BANK1: variants seen among roughly 807,000 people sequenced by gnomAD.
BANK1 encodes the protein B-cell scaffold protein with ankyrin repeats.
BANK1 carries 95 observed loss-of-function variants against 94.5 expected under a neutral mutation model. The observed-to-expected ratio is 1.00, with a 90% confidence interval of 0.85 to 1.19. BANK1 has a LOEUF of 1.19. Among genes scored for constraint, BANK1 ranks in the 50% most tolerant of loss-of-function variants. BANK1 has a pLI of 0.00. For synonymous variants in BANK1, 334 were observed against 308.4 expected (o/e 1.08, Z -0.87); for missense variants, 987 against 932.2 (o/e 1.06, Z -0.77).
chr4:101,994,050 C>A (rs975286951), intron 7 of BANK1, among the ~76,000 whole-genome samples: 6 of 152,236 alleles, frequency 3.9e-5, no homozygotes, highest in East Asian at 1.9e-4. Context: ...CCTCATCGCA[C>A]TGGGCTTCTG....
At chr4:102,067,594 G>A (rs1257899039) in intron 13 of BANK1, among the ~76,000 whole-genome samples, 1 of 151,762 alleles carries the variant, frequency 6.6e-6, no homozygotes, top group African/African-American at 2.4e-5. Context: ...AGATAAAAAG[G>A]CAGTTCACTA....
At chr4:102,054,694 T>C (rs568331018) in intron 11 of BANK1, among the ~76,000 whole-genome samples, 121 of 152,190 alleles carry the variant, frequency 8.0e-4, no homozygotes, top group African/African-American at 2.7e-3. Context: ...AAATGAAGAC[T>C]CAAAGAAGCA....
At chr4:101,896,729 C>T (rs1364816731) in intron 6 of BANK1, among the ~76,000 whole-genome samples, 1 of 151,258 alleles carries the variant, frequency 6.6e-6, no homozygotes, top group East Asian at 1.9e-4. Context: ...TAGAAAGAAT[C>T]AATGAGATAA....
At chr4:101,827,048 C>T (rs1484994988) in intron 1 of BANK1, among the ~76,000 whole-genome samples, 5 of 151,874 alleles carry the variant, frequency 3.3e-5, no homozygotes, top group South Asian at 4.2e-4. Context: ...TCTTTGTACT[C>T]ATGATAATAC....
intron 7 of BANK1, among the ~76,000 whole-genome samples, chr4:101,978,694 A>G (rs1328255604): frequency 6.6e-6 from 1 of 152,086 alleles, no homozygotes; most frequent in Non-Finnish European, 1.5e-5. Flanking sequence ...TTCCATTGAA[A>G]AAAAAAGAAT....
intron 1 of BANK1, among the ~76,000 whole-genome samples, chr4:101,826,824 T>C (rs1726385408): frequency 6.6e-6 from 1 of 152,006 alleles, no homozygotes; most frequent in Admixed American, 6.6e-5. Context: ...GAAATTGTGC[T>C]TGGCATTGTG....
At chr4:101,988,802 A>T (rs1725600056) in intron 7 of BANK1, among the ~76,000 whole-genome samples, 1 of 152,174 alleles carries the variant, frequency 6.6e-6, no homozygotes. Flanking sequence ...ATGGTACATA[A>T]ATTCAAAACT....
chr4:101,971,719 C>CA (rs1429765060), intron 7 of BANK1, among the ~76,000 whole-genome samples: 5 of 152,068 alleles, frequency 3.3e-5, no homozygotes, highest in Non-Finnish European at 7.4e-5. Context: ...CCAGTTTTCC[C>CA]AAAACCATTT....
At chr4:101,859,950 G>A (rs556025816) in intron 3 of BANK1, among the ~76,000 whole-genome samples, 38 of 152,228 alleles carry the variant, frequency 2.5e-4, no homozygotes, top group African/African-American at 9.2e-4. Context: ...TTATGGATAT[G>A]CAGTGCAGAA....
chr4:101,961,254 CAT>C (rs1724559847), intron 7 of BANK1, among the ~76,000 whole-genome samples: 1 of 152,134 alleles, frequency 6.6e-6, no homozygotes, highest in African/African-American at 2.4e-5. Context: ...AGTGGACACA[CAT>C]GTTTAATAAA....
intron 7 of BANK1, among the ~76,000 whole-genome samples, chr4:101,961,658 A>G (rs1724574105): frequency 1.3e-5 from 2 of 152,162 alleles, no homozygotes; most frequent in South Asian, 4.1e-4. Context: ...TGAAATTTTG[A>G]AAGTCAGCTT....
intron 1 of BANK1, among the ~76,000 whole-genome samples, chr4:101,810,344 C>T (rs1263571939): frequency 6.6e-6 from 1 of 152,084 alleles, no homozygotes; most frequent in Non-Finnish European, 1.5e-5. Context: ...TTTACAGGAG[C>T]ATTAGGAAAC....
At chr4:102,037,670 GT>G (rs1727555937) in intron 10 of BANK1, among the ~76,000 whole-genome samples, 1 of 152,190 alleles carries the variant, frequency 6.6e-6, no homozygotes, top group Non-Finnish European at 1.5e-5. Flanking sequence ...GACACTTACA[GT>G]TGTGTAACTT....
At chr4:101,908,718 C>A (rs1356544327) in intron 6 of BANK1, among the ~76,000 whole-genome samples, 1 of 152,082 alleles carries the variant, frequency 6.6e-6, no homozygotes, top group Non-Finnish European at 1.5e-5. Flanking sequence ...AAGAAAAAAA[C>A]AAACAACCCC....
intron 7 of BANK1, among the ~76,000 whole-genome samples, chr4:101,934,860 C>A (rs912304145): frequency 2.0e-5 from 3 of 151,498 alleles, no homozygotes; most frequent in African/African-American, 7.3e-5. Context: ...TTCTTCATTG[C>A]ACACTTATTT....
intron 1 of BANK1, among the ~76,000 whole-genome samples, chr4:101,817,928 G>A (rs888820031): frequency 2.6e-5 from 4 of 151,824 alleles, no homozygotes; most frequent in African/African-American, 7.3e-5. Flanking sequence ...GTCCAGGGAA[G>A]TCAAAAGATT....
chr4:102,015,448 G>C (rs535095873), intron 7 of BANK1, among the ~76,000 whole-genome samples: 1 of 152,088 alleles, frequency 6.6e-6, no homozygotes, highest in East Asian at 1.9e-4. Flanking sequence ...CCATTTTATA[G>C]TTACATCCCC....
At chr4:101,959,436 C>T (rs1458819176) in intron 7 of BANK1, among the ~76,000 whole-genome samples, 1 of 152,094 alleles carries the variant, frequency 6.6e-6, no homozygotes, top group African/African-American at 2.4e-5. Flanking sequence ...CCATGCCTGG[C>T]CCTAGAGAGT....
intron 1 of BANK1, among the ~76,000 whole-genome samples, chr4:101,815,804 G>A (rs112158859): frequency 0.027 from 4,076 of 151,874 alleles, 191 homozygotes; most frequent in African/African-American, 0.093. Flanking sequence ...TTATAGTCAA[G>A]AATATTAAGG....
Sources: gnomAD v4.1 joint callset for allele counts (sites outside exome capture counted in the v4.1 genomes callset) on GRCh38, gnomAD v4.1.1 for gene constraint, MANE v1.5 for transcripts, NCBI Gene and HGNC (gene_info 2026-07-23, HGNC 2026-07-21) for gene names.